The following ERCC6L variants were observed in gnomAD, a reference collection of about 807,000 sequenced individuals.
The protein encoded by ERCC6L is DNA excision repair protein ERCC-6-like.
ERCC6L carries 7 observed loss-of-function variants against 20.1 expected under a neutral mutation model. The ratio of observed to expected loss-of-function variants is 0.35; its 90% CI spans 0.20 to 0.65. The LOEUF (loss-of-function observed/expected upper bound fraction) is 0.65. ERCC6L is among the 30% of genes least tolerant of loss of function. The pLI, the probability that ERCC6L is intolerant of heterozygous loss-of-function variation, is 0.69. For synonymous variants in ERCC6L, 278 were observed against 331.3 expected (o/e 0.84, Z 1.75); for missense variants, 592 against 892.4 (o/e 0.66, Z 4.29).
intron 1 of ERCC6L, among the ~76,000 whole-genome samples, chrX:72,218,143 G>A (rs927649571): frequency 3.7e-5 from 4 of 109,147 alleles, no homozygotes; most frequent in South Asian, 4.1e-4. Flanking sequence ...GGTGGTGGGC[G>A]CCTGTAGTCC....
Position 72,207,179 on chromosome X carries a change from A to C in ERCC6L, c.1588T>G (p.Ser530Ala). 1 of 1,211,393 alleles carries C rather than the reference A, an allele frequency of 8.3e-7. No individual in the cohort carries two copies. Among genetic ancestry groups the C allele is most frequent in the Non-Finnish European group, 1.1e-6 (1 of 895,371 alleles). The change falls in exon 2 of 2, where the codon TCT becomes GCT. Residue 530 changes from serine (S) to alanine (A), a missense_variant. Physicochemically the swap from Ser to Ala is moderately conservative, Grantham distance 99. This residue lies in a region of ERCC6L where 196 missense variants were observed against 440.1 expected (regional missense o/e 0.45). Coordinates refer to ENST00000334463, the MANE Select transcript of ERCC6L (RefSeq NM_017669.4). ...ACTTGAGTGGTAAGCAGAAAAACAG[A>C]GTAATCTTTATTTTGCTGGAATAAG... ...INLFQQNKDYSVFLLTTQVGG... is the reference protein window; with the variant it reads ...INLFQQNKDYAVFLLTTQVGG...
intron 1 of ERCC6L, among the ~76,000 whole-genome samples, chrX:72,209,957 T>G (rs2042843201): frequency 9.1e-6 from 1 of 110,369 alleles, no homozygotes; most frequent in East Asian, 2.8e-4. Context: ...GATCTAAATC[T>G]AAGGGCTAAA....
chrX:72,222,742 C>A (rs750979682), intron 1 of ERCC6L, among the ~76,000 whole-genome samples: 1 of 108,956 alleles, frequency 9.2e-6, no homozygotes, highest in Non-Finnish European at 1.9e-5. Context: ...GGATTACAGG[C>A]GCGTGTCACC....
Position 72,204,962 on chromosome X carries a change from A to T in ERCC6L, c.*52T>A. 2 of 1,023,040 alleles carry T rather than the reference A, an allele frequency of 2.0e-6. No individual in the cohort carries two copies. The highest frequency in any genetic ancestry group is 2.6e-6 in the Non-Finnish European group (2 of 760,454). 84.3% of individuals were successfully genotyped at this position (1,023,040 alleles called of 1,213,427 possible). The stretch of plus-strand genomic sequence containing the variant: ...CCAAAGAATCCAATTATGGGAACAA[A>T]AATTCCCTCATATTCAGTTTCACTT... On this transcript the variant is annotated 3_prime_UTR_variant, in exon 2 of 2. Transcript: ENST00000334463.
chrX:72,206,581 G>A lies in ERCC6L; in HGVS notation c.2186C>T (p.Ala729Val). Residue 729 changes from alanine (A) to valine (V), a missense_variant, in exon 2 of 2, where the codon GCC (alanine) becomes GTC (valine). Coordinates refer to ENST00000334463, the MANE Select transcript of ERCC6L (RefSeq NM_017669.4). ...AGGAAATACAGGTTCTCTTAGCCAG[G>A]CCCCCTCATTTCTAGTTCTTTGTTG... is the stretch of plus-strand genomic sequence containing the variant. ...MEQQRTRNEG[A>V]WLREPVFPSS... 1 of 1,210,849 alleles carries A rather than the reference G, an allele frequency of 8.3e-7. No homozygotes were observed. The highest frequency in any genetic ancestry group is 1.1e-6 in the Non-Finnish European group (1 of 895,206).
In ERCC6L at chrX:72,234,588, AT is replaced by A. The variant is rs1182637953; in HGVS notation, c.68+4255del. 7.0e-3 allele frequency among the ~76,000 whole-genome samples: 756 copies of A among 107,635 alleles called. 8 individuals carry two copies. The highest frequency in any genetic ancestry group is 0.023 in the African/African-American group (689 of 29,741). The allele number at this position is 107,635 out of a possible 115,157, so 93.5% of individuals were successfully genotyped here. ...GAAATGAAAATAGGATCAAGAGAGG[AT>A]TTTTTTTTTTAACAATGAAAGAATT... On this transcript the variant is annotated intron_variant, in intron 1 of 1. Coordinates refer to ENST00000334463, the MANE Select transcript of ERCC6L (RefSeq NM_017669.4).
chrX:72,212,830 C>G (rs1432531624), intron 1 of ERCC6L, among the ~76,000 whole-genome samples: 1 of 111,032 alleles, frequency 9.0e-6, no homozygotes, highest in African/African-American at 3.3e-5. Context: ...CTAGACCCAG[C>G]TACTGGGAGG....
Position 72,206,550 on chromosome X carries a change from T to G in ERCC6L, c.2217A>C (p.Ser739=). ...AWLREPVFPS[S]TKKKCPKLNK... ...TCAATTTAGGGCATTTCTTCTTTGT[T>G]GAAGAAGGAAATACAGGTTCTCTTA... The change falls in exon 2 of 2, where the codon TCA becomes TCC. Residue 739 remains serine (S), a synonymous_variant. Transcript: ENST00000334463. 8.3e-7 allele frequency: 1 copy of G among 1,211,279 alleles called. No individual in the cohort carries two copies. Among genetic ancestry groups the G allele is most frequent in the Non-Finnish European group, 1.1e-6 (1 of 895,071 alleles).
rs759679045 is a variant in ERCC6L, at chrX:72,205,798, G to A, written c.2969C>T (p.Ala990Val). The A allele has an allele frequency of 2.5e-6, 3 of 1,211,913 alleles. No individual in the cohort carries two copies. Among genetic ancestry groups the A allele is most frequent in the Non-Finnish European group, 3.3e-6 (3 of 895,535 alleles). The change falls in exon 2 of 2, where the codon GCA (alanine) becomes GTA (valine). Residue 990 changes from alanine (A) to valine (V), a missense_variant. Coordinates refer to ENST00000334463, the MANE Select transcript of ERCC6L (RefSeq NM_017669.4). ...ACATGTTTTGCTATGCACAAACCCT[G>A]CTCTGGAATTAGGTGCAGAGCCACA... Reference protein sequence around the residue: ...SLCGSAPNSRAGFVHSKTCLS... With the variant: ...SLCGSAPNSRVGFVHSKTCLS...
Position 72,204,953 on chromosome X carries a change from T to C in ERCC6L, c.*61A>G. Reference sequence around the variant, plus strand: ...TTCATGTTCCCAAAGAATCCAATTATGGGAACAAAAATTCCCTCATATTCA... The same window carrying C: ...TTCATGTTCCCAAAGAATCCAATTACGGGAACAAAAATTCCCTCATATTCA... On this transcript the variant is annotated 3_prime_UTR_variant, in exon 2 of 2. Transcript: ENST00000334463. The C allele has an allele frequency of 9.8e-7, 1 of 1,017,340 alleles. No individual in the cohort carries two copies. The highest frequency in any genetic ancestry group is 2.5e-5 in the South Asian group (1 of 40,307). 83.8% of individuals were successfully genotyped at this position (1,017,340 alleles called of 1,213,427 possible).
chrX:72,222,684 G>A (rs1309006373), intron 1 of ERCC6L, among the ~76,000 whole-genome samples: 6 of 99,674 alleles, frequency 6.0e-5, no homozygotes, highest in East Asian at 3.4e-4. Flanking sequence ...TGCAACCTCC[G>A]CCTCCCAGGT....
chrX:72,223,102 C>T (rs1288374749), intron 1 of ERCC6L, among the ~76,000 whole-genome samples: 5 of 99,820 alleles, frequency 5.0e-5, no homozygotes, highest in African/African-American at 7.3e-5. Context: ...TTTTGGAGGC[C>T]GAGGCAGGCG....
At chrX:72,211,755 G>A (rs2034991881) in intron 1 of ERCC6L, among the ~76,000 whole-genome samples, 1 of 108,283 alleles carries the variant, frequency 9.2e-6, no homozygotes, top group African/African-American at 3.4e-5. Context: ...CTGCACTACA[G>A]CCTGGGTGAC....
chrX:72,234,146 A>G (rs2043003102), intron 1 of ERCC6L, among the ~76,000 whole-genome samples: 1 of 112,090 alleles, frequency 8.9e-6, no homozygotes, highest in Non-Finnish European at 1.9e-5. Flanking sequence ...TAAGGAATAT[A>G]TACTTAAGTA....
At chrX:72,231,203 A>T (rs1235115770) in intron 1 of ERCC6L, among the ~76,000 whole-genome samples, 1 of 112,272 alleles carries the variant, frequency 8.9e-6, no homozygotes, top group African/African-American at 3.2e-5. Flanking sequence ...ATGGATTTTT[A>T]AAATGTGGTA....
chrX:72,205,029 TTGC>T lies in ERCC6L; in HGVS notation c.3735_3737del (p.Gln1246del). On this transcript the variant is annotated inframe_deletion, in exon 2 of 2. Coordinates refer to ENST00000334463, the MANE Select transcript of ERCC6L (RefSeq NM_017669.4). Reference sequence around the variant, plus strand: ...GGTTACATTCTCAATTGTTATTAAGTTGCTTATACAAACTTAAAGTCAAGAGCA... The same window carrying T: ...GGTTACATTCTCAATTGTTATTAAGTTTATACAAACTTAAAGTCAAGAGCA... The T allele has an allele frequency of 8.4e-7, 1 of 1,192,999 alleles. No individual in the cohort carries two copies. Among genetic ancestry groups the T allele is most frequent in the Non-Finnish European group, 1.1e-6 (1 of 885,995 alleles).
rs2042834901 is a variant in ERCC6L at position 72,208,613 on chromosome X, G to A, written c.154C>T (p.Pro52Ser). 1 of 1,209,324 alleles carries A rather than the reference G, an allele frequency of 8.3e-7. No individual in the cohort carries two copies. Among genetic ancestry groups the A allele is most frequent in the African/African-American group, 1.8e-5 (1 of 57,080 alleles). The part of the protein sequence containing the change: ...KLFNLAKDIF[P>S]NEKVLSRIQK... ...ATTCTGCTCAGCACTTTTTCATTGG[G>A]AAAAATGTCCTTTGCCAAATTGAAA... is the stretch of plus-strand genomic sequence containing the variant. Residue 52 changes from proline (P) to serine (S), a missense_variant, in exon 2 of 2, where the codon CCC becomes TCC. Physicochemically the swap from Pro to Ser is moderately conservative, Grantham distance 74 (BLOSUM62 -1). Transcript: ENST00000334463.
Position 72,206,035 on chromosome X carries a change from T to C in ERCC6L, c.2732A>G (p.Asn911Ser), listed in dbSNP as rs1356401293. The C allele has an allele frequency of 8.3e-7, 1 of 1,210,313 alleles. No individual in the cohort carries two copies. The highest frequency in any genetic ancestry group is 1.1e-6 in the Non-Finnish European group (1 of 895,185). The change falls in exon 2 of 2, where the codon AAT (asparagine) becomes AGT (serine). Residue 911 changes from asparagine to serine, a missense_variant. Physicochemically the swap from Asn to Ser is conservative, Grantham distance 46. Around this residue, in one of 3 missense-constraint regions of ERCC6L, gnomAD observed 352 missense variants for 402.6 expected, o/e 0.87. Transcript: ENST00000334463. The part of the protein sequence containing the change: ...ITNESQNAES[N>S]VSIIEIADDL... Reference sequence around the variant, plus strand: ...ATCAGCTATTTCAATAATGGATACATTTGATTCTGCATTTTGACTTTCATT... The same window carrying C: ...ATCAGCTATTTCAATAATGGATACACTTGATTCTGCATTTTGACTTTCATT...
intron 1 of ERCC6L, among the ~76,000 whole-genome samples, chrX:72,211,397 A>T (rs747722684): frequency 9.0e-6 from 1 of 111,406 alleles, no homozygotes; most frequent in African/African-American, 3.3e-5. Context: ...GTCAGTTTTT[A>T]ATTCCATAGG....
Sources: gnomAD v4.1 joint callset for allele counts (sites outside exome capture counted in the v4.1 genomes callset) on GRCh38, gnomAD v4.1.1 for gene constraint, gnomAD v4.1.1 regional missense constraint, MANE v1.5 for transcripts, NCBI Gene and HGNC (gene_info 2026-07-23, HGNC 2026-07-21) for gene names.